Variants in SLC22A13 observed in about 807,000 individuals in gnomAD.
The protein encoded by SLC22A13 is organic anion transporter 10.
SLC22A13 carries 42 observed loss-of-function variants against 49.1 expected under a neutral mutation model. The observed-to-expected ratio is 0.85, with a 90% CI of 0.67 to 1.11. The LOEUF is 1.11. SLC22A13 is among the 50% of genes least tolerant of loss of function. SLC22A13 has a pLI of 0.00. For missense variants in SLC22A13, 694 were observed against 712.8 expected (o/e 0.97, Z 0.30); for synonymous variants, 282 against 293.1 (o/e 0.96, Z 0.39).
In SLC22A13 at chr3:38,274,868, AGTG is replaced by A. The variant is rs969288280; in HGVS notation, c.637+113_637+115del. The A allele has an allele frequency of 3.4e-5, 53 of 1,545,520 alleles. No individual in the cohort carries two copies. In the Admixed American group the frequency reaches 9.4e-4, roughly 28 times the overall value. The stretch of plus-strand genomic sequence containing the variant: ...GTCTTTTCAGGTACCCCACATCTGA[AGTG>A]GTCGCACTGGTGCTTCCTGTGTTGG... On this transcript the variant is annotated intron_variant, in intron 3 of 9. Coordinates refer to ENST00000311856, the MANE Select transcript of SLC22A13 (RefSeq NM_004256.4).
chr3:38,277,537 C>A lies in SLC22A13; in HGVS notation c.*72C>A. The A allele has an allele frequency of 8.7e-7, 1 of 1,154,462 alleles. No individual in the cohort carries two copies. The highest frequency in any genetic ancestry group is 1.4e-5 in the South Asian group (1 of 74,004). 71.5% of individuals were successfully genotyped at this position (1,154,462 alleles called of 1,614,324 possible). A position where few individuals can be genotyped will look rare whatever the true frequency, so the allele number is the denominator to read the frequency against. ...ACACCTCCTTGGATATGGCCAGGAC[C>A]CACAGGGACACAGGGCAAGACCAGC... On this transcript the variant is annotated 3_prime_UTR_variant, in exon 10 of 10. Transcript: ENST00000311856.
intron 2 of SLC22A13, 89 bp from the exon 3 acceptor site, chr3:38,274,515 C>T (rs951866533): frequency 1.3e-6 from 2 of 1,504,308 alleles, no homozygotes; most frequent in Non-Finnish European, 1.8e-6. Context: ...CAGACAGAGA[C>T]CCCAGGACAG....
chr3:38,269,205 C>A (rs1169533734), intron 1 of SLC22A13, among the ~76,000 whole-genome samples: 2 of 151,912 alleles, frequency 1.3e-5, no homozygotes, highest in African/African-American at 4.8e-5. Context: ...CCTTGTCTTG[C>A]AAGAGTATAT....
chr3:38,272,154 A>G (rs745874389), intron 1 of SLC22A13, among the ~76,000 whole-genome samples: 18 of 152,380 alleles, frequency 1.2e-4, no homozygotes, highest in Admixed American at 2.6e-4. Flanking sequence ...CATAGCAGGT[A>G]TATAAACTGA....
At chr3:38,274,446 T>C (rs1703553582) in intron 2 of SLC22A13, 71 bp downstream of exon 2, 6 of 1,460,810 alleles carry the variant, frequency 4.1e-6, no homozygotes, top group Non-Finnish European at 5.8e-6. Flanking sequence ...AAGTCCCCCT[T>C]ATGCCCCTTA....
At chr3:38,274,833 G>GCC in intron 3 of SLC22A13, 75 bp downstream of exon 3, 1 of 1,554,464 alleles carries the variant, frequency 6.4e-7, no homozygotes, top group Non-Finnish European at 8.7e-7. Context: ...GCCCCAAACG[G>GCC]CCTGTGGAGG....
chr3:38,270,520 C>G (rs987722332), intron 1 of SLC22A13: 23 of 212,966 alleles, frequency 1.1e-4, no homozygotes, highest in Non-Finnish European at 1.1e-4. Context: ...GACGGAGATA[C>G]CACTGAAAAA....
At position 38,277,007 on chromosome 3, in the gene SLC22A13, C is replaced by T; in HGVS notation, c.1442C>T (p.Pro481Leu). 4 of 1,610,884 alleles carry T rather than the reference C, an allele frequency of 2.5e-6. No individual in the cohort carries two copies. Among genetic ancestry groups the T allele is most frequent in the African/African-American group, 1.3e-5 (1 of 74,956 alleles). The change falls in exon 9 of 10, where the codon CCC becomes CTC. Residue 481 changes from proline to leucine, a missense_variant. Transcript: ENST00000311856. ...CTGGGAGAGTACCACGCTGCCCTCCCCATGCTCATCTACGGCAGCCTCCCC... is the reference window on the plus strand; with the variant it reads ...CTGGGAGAGTACCACGCTGCCCTCCTCATGCTCATCTACGGCAGCCTCCCC... ...ILLGEYHAAL[P>L]MLIYGSLPIV...
Position 38,276,930 on chromosome 3 carries a change from G to C in SLC22A13, c.1365G>C (p.Leu455=), listed in dbSNP as rs755626582. 2 of 1,613,796 alleles carry C rather than the reference G, an allele frequency of 1.2e-6. No homozygotes were observed. Reference sequence around the variant, plus strand: ...CCCCCAGGCAGACAGGCATGGGGCTGGTGGGCATCTTCTCACGGATCGGGG... The same window carrying C: ...CCCCCAGGCAGACAGGCATGGGGCTCGTGGGCATCTTCTCACGGATCGGGG... ...PTILRQTGMG[L]VGIFSRIGGI... Residue 455 remains leucine (L), a synonymous_variant, in exon 9 of 10, where the codon CTG becomes CTC. Coordinates refer to ENST00000311856, the MANE Select transcript of SLC22A13 (RefSeq NM_004256.4).
At chr3:38,266,755 C>T (rs9311183) in intron 1 of SLC22A13, among the ~76,000 whole-genome samples, 2,368 of 152,230 alleles carry the variant, frequency 0.016, 60 homozygotes, top group African/African-American at 0.055. Context: ...GCCCTTGGGA[C>T]GCTGGAGAAC....
At position 38,276,987 on chromosome 3, in the gene SLC22A13, A is replaced by G. The variant is rs1403818896; in HGVS notation, c.1422A>G (p.Gly474=). The G allele has an allele frequency of 6.2e-7, 1 of 1,613,142 alleles. No individual in the cohort carries two copies. The change falls in exon 9 of 10, where the codon GGA becomes GGG. Residue 474 remains glycine (G), a synonymous_variant. Coordinates refer to ENST00000311856, the MANE Select transcript of SLC22A13 (RefSeq NM_004256.4). ...TCACACCACTTGTGATCCTGCTGGG[A>G]GAGTACCACGCTGCCCTCCCCATGC... ...GILTPLVILL[G]EYHAALPMLI...
intron 1 of SLC22A13, among the ~76,000 whole-genome samples, chr3:38,266,986 A>G (rs1485197581): frequency 6.6e-6 from 1 of 152,166 alleles, no homozygotes; most frequent in African/African-American, 2.4e-5. Context: ...TGAGCTGATC[A>G]TGGAGCTGGG....
In SLC22A13 at chr3:38,276,319, GTGGGGAAGATGGCC is replaced by G. The variant is rs889180022; in HGVS notation, c.1271_1284del (p.Val424AspfsTer231). ...CGTGGTGGTCACCATGCTGGCTGTGGTGGGGAAGATGGCCACAGCTGCTGCCTTTACCATCTCCT... is the reference window on the plus strand; with the variant it reads ...CGTGGTGGTCACCATGCTGGCTGTGGACAGCTGCTGCCTTTACCATCTCCT... On this transcript the variant is annotated frameshift_variant, in exon 8 of 10. Coordinates refer to ENST00000311856, the MANE Select transcript of SLC22A13 (RefSeq NM_004256.4). LOFTEE classifies it high-confidence loss of function. 6.2e-7 allele frequency: 1 copy of G among 1,613,746 alleles called. No individual in the cohort carries two copies. The highest frequency in any genetic ancestry group is 1.3e-5 in the African/African-American group (1 of 75,038).
intron 1 of SLC22A13, among the ~76,000 whole-genome samples, chr3:38,266,852 G>A (rs922895813): frequency 2.0e-5 from 3 of 152,182 alleles, no homozygotes; most frequent in African/African-American, 7.2e-5. Flanking sequence ...AGGCAGAAAA[G>A]TTCCCATCCT....
Position 38,276,268 on chromosome 3 carries a change from G to T in SLC22A13, c.1238-19G>T. The T allele has an allele frequency of 6.3e-7, 1 of 1,598,066 alleles. No homozygotes were observed. Among genetic ancestry groups the T allele is most frequent in the Non-Finnish European group, 8.6e-7 (1 of 1,168,796 alleles). On this transcript the variant is annotated intron_variant, in intron 7 of 9. Coordinates refer to ENST00000311856, the MANE Select transcript of SLC22A13 (RefSeq NM_004256.4). The stretch of plus-strand genomic sequence containing the variant: ...CCGGCGTCAGGGCCCAGGTGATGGG[G>T]CTGTCTACCCTCTGCCAGATCTGCC...
intron 4 of SLC22A13, 75 bp downstream of exon 4, chr3:38,275,232 T>C: frequency 1.9e-6 from 3 of 1,594,202 alleles, no homozygotes; most frequent in African/African-American, 1.3e-5. Context: ...GCAGCACCCA[T>C]GTTCATAGGA....
intron 9 of SLC22A13, 28 bp from the exon 10 acceptor site, chr3:38,277,344 G>A (rs1265747534): frequency 6.4e-7 from 1 of 1,552,600 alleles, no homozygotes; most frequent in Middle Eastern, 1.7e-4. Flanking sequence ...TTCCTGGGCA[G>A]CCAATGACAG....
chr3:38,270,915 T>C (rs890702451), intron 1 of SLC22A13: 1 of 152,342 alleles, frequency 6.6e-6, no homozygotes, highest in African/African-American at 2.4e-5. Flanking sequence ...TACCCTAACA[T>C]GCTCTCCTCA....
chr3:38,277,516 C>A lies in SLC22A13; in HGVS notation c.*51C>A. 1.4e-6 allele frequency: 2 copies of A among 1,391,988 alleles called. No individual in the cohort carries two copies. Among genetic ancestry groups the A allele is most frequent in the Non-Finnish European group, 2.0e-6 (2 of 985,072 alleles). The allele number at this position is 1,391,988 out of a possible 1,614,324, so 86.2% of individuals were successfully genotyped here. ...CAGCAGCAGGGAGCTGCCTAAACAC[C>A]TCCTTGGATATGGCCAGGACCCACA... On this transcript the variant is annotated 3_prime_UTR_variant, in exon 10 of 10. Coordinates refer to ENST00000311856, the MANE Select transcript of SLC22A13 (RefSeq NM_004256.4).
Sources: gnomAD v4.1 joint callset for allele counts (sites outside exome capture counted in the v4.1 genomes callset) on GRCh38, gnomAD v4.1.1 for gene constraint, MANE v1.5 for transcripts, NCBI Gene and HGNC (gene_info 2026-07-23, HGNC 2026-07-21) for gene names.